The following RTEL1 variants were observed in gnomAD, a reference collection of about 807,000 sequenced individuals.
The protein encoded by RTEL1 is regulator of telomere elongation helicase 1.
A neutral mutation model predicts 162.2 loss-of-function variants in RTEL1; 86 were observed. That is an observed-to-expected ratio of 0.53 (90% CI 0.45 to 0.63). The LOEUF (loss-of-function observed/expected upper bound fraction) is 0.63. RTEL1 is among the 30% of genes least tolerant of loss of function. The probability of loss-of-function intolerance (pLI) is 0.00; values close to 1 mark genes in which losing one functional copy is unlikely to be tolerated. For missense variants in RTEL1, 1,941 were observed against 1,750.2 expected, an observed-to-expected ratio of 1.11 and a Z score of -1.95; for synonymous variants, 958 against 717.9, an observed-to-expected ratio of 1.33 and a Z score of -5.35.
intron 23 of RTEL1, 25 bp downstream of exon 23, chr20:63,689,673 G>A: frequency 1.2e-6 from 2 of 1,607,578 alleles, no homozygotes; most frequent in Non-Finnish European, 1.7e-6. Context: ...GGTGGGGCTG[G>A]GGTAAGGCGG....
At position 63,661,683 on chromosome 20, in the gene RTEL1, A is replaced by G; in HGVS notation, c.302-167A>G. ...ACCTAGGGTTGGGCTTTTTTGCTGAATTAGGGCACGGCAGATGCCCACTTC... is the reference window on the plus strand; with the variant it reads ...ACCTAGGGTTGGGCTTTTTTGCTGAGTTAGGGCACGGCAGATGCCCACTTC... On this transcript the variant is annotated intron_variant, in intron 3 of 34. Coordinates refer to ENST00000360203, the MANE Select transcript of RTEL1 (RefSeq NM_001283009.2). This position sits in a 1 kb window ranked among gnomAD's most constrained non-coding sequence, Gnocchi z 5.1. 1.2e-6 allele frequency: 1 copy of G among 868,400 alleles called. No individual in the cohort carries two copies. The highest frequency in any genetic ancestry group is 2.6e-5 in the East Asian group (1 of 37,806). The allele number at this position is 868,400 out of a possible 1,614,324, so 53.8% of individuals were successfully genotyped here. A position where few individuals can be genotyped will look rare whatever the true frequency, so the allele number is the denominator to read the frequency against.
At position 63,659,327 on chromosome 20, in the gene RTEL1, C is replaced by G. The variant is rs958315814; in HGVS notation, c.-76C>G. ...GGAGTGCCCGAGACCCTAAGATGTT[C>G]GGAGTGGTTTTTTCGCACAGACCCG... On this transcript the variant is annotated 5_prime_UTR_variant, in exon 2 of 35. Transcript: ENST00000360203. The G allele has an allele frequency of 2.0e-5, 20 of 980,756 alleles. No individual in the cohort carries two copies. The highest frequency in any genetic ancestry group is 3.1e-5 in the Non-Finnish European group (19 of 608,874). The allele number at this position is 980,756 out of a possible 1,614,324, so 60.8% of individuals were successfully genotyped here. A position where few individuals can be genotyped will look rare whatever the true frequency, so the allele number is the denominator to read the frequency against.
At position 63,667,486 on chromosome 20, in the gene RTEL1, T is replaced by A. The variant is rs143455398; in HGVS notation, c.632T>A (p.Leu211Gln). Residue 211 changes from leucine (L) to glutamine (Q), a missense_variant, in exon 8 of 35, where the codon CTG becomes CAG. Coordinates refer to ENST00000360203, the MANE Select transcript of RTEL1 (RefSeq NM_001283009.2). ...GSKHRVCPYY[L>Q]SRNLKQQADI... ...CTTCCCAGGGTGTGCCCTTACTACC[T>A]GTCCCGGAACCTGAAGCAGCAAGCC... is the stretch of plus-strand genomic sequence containing the variant. The A allele has an allele frequency of 1.2e-6, 2 of 1,613,760 alleles. No homozygotes were observed. Among genetic ancestry groups the A allele is most frequent in the African/African-American group, 2.7e-5 (2 of 74,924 alleles).
At position 63,689,989 on chromosome 20, in the gene RTEL1, A is replaced by G; in HGVS notation, c.2142-98A>G. On this transcript the variant is annotated intron_variant, in intron 24 of 34. Coordinates refer to ENST00000360203, the MANE Select transcript of RTEL1 (RefSeq NM_001283009.2). ...AGAGCCTCTCCGGCTACTCGGGGTC[A>G]GCGTGGGGCCCCTGCAGCAGATGAG... The G allele has an allele frequency of 5.1e-6, 8 of 1,562,152 alleles. No homozygotes were observed. In the South Asian group the frequency reaches 5.7e-5, roughly 11 times the overall value.
At chr20:63,667,124 C>G (rs554112000) in intron 7 of RTEL1, among the ~76,000 whole-genome samples, 1 of 152,176 alleles carries the variant, frequency 6.6e-6, no homozygotes, top group Non-Finnish European at 1.5e-5. Flanking sequence ...CAGGAGTGAG[C>G]CACCGCGCCC....
rs148080505 is a variant in RTEL1, at chr20:63,689,578, T to C, written c.1955T>C (p.Met652Thr). 4.9e-4 allele frequency: 797 copies of C among 1,612,198 alleles called. 1 individual carries two copies. The highest frequency in any genetic ancestry group is 6.3e-4 in the Non-Finnish European group (744 of 1,179,770). ...IVTGLPYPPR[M>T]DPRVVLKMQF... The stretch of plus-strand genomic sequence containing the variant: ...ACGGGCCTCCCGTACCCCCCACGCA[T>C]GGACCCCCGGGTTGTCCTCAAGATG... Residue 652 changes from methionine to threonine, a missense_variant, in exon 23 of 35, where the codon ATG (methionine) becomes ACG (threonine). By Grantham distance (81) the Met-to-Thr change is moderately conservative (BLOSUM62 -1). Transcript: ENST00000360203.
At chr20:63,682,605 A>G in intron 14 of RTEL1, 1 of 985,950 alleles carries the variant, frequency 1.0e-6, no homozygotes, top group Non-Finnish European at 1.2e-6. Flanking sequence ...GGGTGCCTGG[A>G]GGATGAGGGA....
chr20:63,685,378 C>T, intron 14 of RTEL1, 145 bp from the exon 15 acceptor site: 1 of 791,212 alleles, frequency 1.3e-6, no homozygotes, highest in Non-Finnish European at 2.0e-6. Flanking sequence ...CAGCTCCTGT[C>T]CATTGGCCTG....
chr20:63,669,615 C>T (rs558442308), intron 8 of RTEL1, among the ~76,000 whole-genome samples: 1 of 152,368 alleles, frequency 6.6e-6, no homozygotes, highest in South Asian at 2.1e-4. Flanking sequence ...CCCACTTAAC[C>T]ACTGGGAAGG....
chr20:63,694,474 G>T lies in RTEL1; in HGVS notation c.3095G>T (p.Arg1032Met). The change falls in exon 31 of 35, where the codon AGG (arginine) becomes ATG (methionine). Residue 1032 changes from arginine (R) to methionine (M), a missense_variant. Coordinates refer to ENST00000360203, the MANE Select transcript of RTEL1 (RefSeq NM_001283009.2). ...CAGGGCAGGCCCCACCTGTCGCCCA[G>T]GCCACCCCCAACAGGTAGCTGACTC... ...LNQGRPHLSPRPPPTGDPGSQ... is the reference protein window; with the variant it reads ...LNQGRPHLSPMPPPTGDPGSQ... 6 of 1,599,996 alleles carry T rather than the reference G, an allele frequency of 3.8e-6. No individual in the cohort carries two copies. The highest frequency in any genetic ancestry group is 4.3e-6 in the Non-Finnish European group (5 of 1,169,716).
At chr20:63,682,449 TC>T (rs2090497350) in intron 14 of RTEL1, 2 of 985,656 alleles carry the variant, frequency 2.0e-6, no homozygotes, top group South Asian at 4.7e-5. Flanking sequence ...TGGAACCGGA[TC>T]CTGGAACGTG....
intron 10 of RTEL1, among the ~76,000 whole-genome samples, chr20:63,676,073 C>A (rs1051503534): frequency 3.4e-4 from 52 of 151,950 alleles, no homozygotes; most frequent in African/African-American, 1.2e-3. Context: ...CCTATCTGTT[C>A]CCCCACCCCT....
chr20:63,692,538 G>C (rs1285215890), intron 28 of RTEL1: 6 of 541,786 alleles, frequency 1.1e-5, no homozygotes, highest in South Asian at 6.5e-5. Flanking sequence ...CCCCTGGCTT[G>C]AGGCAGAGCC....
In RTEL1 at chr20:63,696,192, G is replaced by A. The variant is rs1601202879; in HGVS notation, c.*334G>A. 2.3e-6 allele frequency: 1 copy of A among 435,754 alleles called. No homozygotes were observed. Among genetic ancestry groups the A allele is most frequent in the East Asian group, 3.9e-5 (1 of 25,898 alleles). The allele number at this position is 435,754 out of a possible 1,614,324, so 27.0% of individuals were successfully genotyped here. A position where few individuals can be genotyped will look rare whatever the true frequency, so the allele number is the denominator to read the frequency against. ...AAGGAGGAGACCCCCGTGGGCACGT[G>A]TCCACTTTTAATCAGGGGACAGGGC... On this transcript the variant is annotated 3_prime_UTR_variant, in exon 35 of 35. Transcript: ENST00000360203.
At position 63,666,028 on chromosome 20, in the gene RTEL1, C is replaced by T. The variant is rs1258972797; in HGVS notation, c.563C>T (p.Ala188Val). The change falls in exon 7 of 35, where the codon GCC becomes GTC. Residue 188 changes from alanine (A) to valine (V), a missense_variant. Physicochemically the swap from Ala to Val is moderately conservative, Grantham distance 64. Coordinates refer to ENST00000360203, the MANE Select transcript of RTEL1 (RefSeq NM_001283009.2). ...GAAAAAAGCCTGGAGCAGGAGCTGG[C>T]CAGCCCCATCCTGGACATTGAGGAC... ...VEEKSLEQELASPILDIEDLV... is the reference protein window; with the variant it reads ...VEEKSLEQELVSPILDIEDLV... 3.7e-6 allele frequency: 6 copies of T among 1,613,930 alleles called. No individual in the cohort carries two copies. The highest frequency in any genetic ancestry group is 5.1e-6 in the Non-Finnish European group (6 of 1,179,982).
At position 63,693,144 on chromosome 20, in the gene RTEL1, C is replaced by T. The variant is rs763959402; in HGVS notation, c.2853C>T (p.Gly951=). The T allele has an allele frequency of 3.7e-6, 6 of 1,612,230 alleles. No homozygotes were observed. The highest frequency in any genetic ancestry group is 1.7e-5 in the Admixed American group (1 of 59,992). ...GGACAGACGCCCCTTCCTCTACAGGCTTCTACCAGTTTGTGCGGCCCCACC... is the reference window on the plus strand; with the variant it reads ...GGACAGACGCCCCTTCCTCTACAGGTTTCTACCAGTTTGTGCGGCCCCACC... ...EDPKKHNLLQ[G]FYQFVRPHHK... is the part of the protein sequence containing the mutation. The change falls in exon 30 of 35, where the codon GGC becomes GGT. Residue 951 remains glycine (G), a splice_region_variant and synonymous_variant. Coordinates refer to ENST00000360203, the MANE Select transcript of RTEL1 (RefSeq NM_001283009.2).
In RTEL1 at chr20:63,690,078, AC is replaced by A. The variant is rs755965232; in HGVS notation, c.2142-3del. 25 of 1,609,202 alleles carry A rather than the reference AC, an allele frequency of 1.6e-5. No individual in the cohort carries two copies. The highest frequency in any genetic ancestry group is 5.1e-6 in the Non-Finnish European group (6 of 1,179,262). ...TGGGCAGGGCAGCAGGGCTATGGCC[AC>A]CCCCCAGGTTCGCCTTTGCCGACGC... On this transcript the variant is annotated splice_polypyrimidine_tract_variant and splice_region_variant and intron_variant, in intron 24 of 34. Transcript: ENST00000360203.
chr20:63,661,097 T>G lies in RTEL1; in HGVS notation c.103-201T>G, dbSNP rs2090011066. Among the ~76,000 whole-genome samples, 1 of 152,264 alleles carries G rather than the reference T, an allele frequency of 6.6e-6. No homozygotes were observed. Among genetic ancestry groups the G allele is most frequent in the Non-Finnish European group, 1.5e-5 (1 of 68,050 alleles). ...CTGCAAATCGTTTGCTAATGGCGGC[T>G]GAGTTGCTTCACGCCCTTTAGGGCA... On this transcript the variant is annotated intron_variant, in intron 2 of 34. Transcript: ENST00000360203. This position sits in a 1 kb window ranked among gnomAD's most constrained non-coding sequence, Gnocchi z 5.1.
rs772062037 is a variant in RTEL1, at chr20:63,689,774, C to T, written c.2050C>T (p.Arg684Trp). ...GTTCCTCTCTGGGCAGGAGTGGTAC[C>T]GGCAGCAGGCGTCCAGGGCTGTGAA... ...GQFLSGQEWY[R>W]QQASRAVNQA... Residue 684 changes from arginine (R) to tryptophan (W), a missense_variant, in exon 24 of 35, where the codon CGG becomes TGG. Arg to Trp is a moderately radical substitution (Grantham distance 101). Coordinates refer to ENST00000360203, the MANE Select transcript of RTEL1 (RefSeq NM_001283009.2). 3 of 1,612,022 alleles carry T rather than the reference C, an allele frequency of 1.9e-6. No individual in the cohort carries two copies. The highest frequency in any genetic ancestry group is 2.2e-5 in the East Asian group (1 of 44,870).
Sources: gnomAD v4.1 joint callset for allele counts (sites outside exome capture counted in the v4.1 genomes callset) on GRCh38, gnomAD v4.1.1 for gene constraint, Gnocchi (gnomAD v3.1) non-coding constraint, MANE v1.5 for transcripts, NCBI Gene and HGNC (gene_info 2026-07-23, HGNC 2026-07-21) for gene names.